The following RANBP17 variants were observed in gnomAD, a reference collection of about 807,000 sequenced individuals.
RANBP17 encodes the protein RAN binding protein 17.
A neutral mutation model predicts 141.2 loss-of-function variants in RANBP17; 158 were observed. That is an observed-to-expected ratio of 1.12 (90% confidence interval 0.98 to 1.28). The LOEUF is 1.28. Ranked by LOEUF, RANBP17 falls within the 50% of genes most tolerant of loss-of-function variation. RANBP17 has a pLI of 0.00. For missense variants in RANBP17, 1,438 were observed against 1,290.7 expected (o/e 1.11, Z -1.75); for synonymous variants, 430 against 450.0 (o/e 0.96, Z 0.56).
At chr5:171,237,095 C>T (rs1001066068) in intron 22 of RANBP17, among the ~76,000 whole-genome samples, 4 of 152,010 alleles carry the variant, frequency 2.6e-5, no homozygotes, top group South Asian at 2.1e-4. Flanking sequence ...ACCTGAGAGT[C>T]GGTCGCAGAT....
At chr5:170,892,105 T>A in intron 3 of RANBP17, among the ~76,000 whole-genome samples, 1 of 151,014 alleles carries the variant, frequency 6.6e-6, no homozygotes, top group East Asian at 2.0e-4. Context: ...TACTGCAACT[T>A]TTTTGTTTAA....
Position 171,277,637 on chromosome 5 carries a change from GTATATA to G in RANBP17, c.2943+11816_2943+11821del, listed in dbSNP as rs70982330. 1.8e-3 allele frequency among the ~76,000 whole-genome samples: 103 copies of G among 56,918 alleles called. 5 individuals are homozygous for G. Among genetic ancestry groups the G allele is most frequent in the Admixed American group, 5.6e-3 (21 of 3,728 alleles). 37.3% of individuals were successfully genotyped at this position (56,918 alleles called of 152,430 possible). ...GTGCCTTACGTATACATATATGTAT[GTATATA>G]TATATATATATATATATATATATAT... is the stretch of plus-strand genomic sequence containing the variant. On this transcript the variant is annotated intron_variant, in intron 25 of 27. Transcript: ENST00000523189.
chr5:170,971,214 A>AT (rs1333268976), intron 14 of RANBP17, among the ~76,000 whole-genome samples: 2 of 152,244 alleles, frequency 1.3e-5, no homozygotes, highest in African/African-American at 2.4e-5. Flanking sequence ...CCAAGGTGGA[A>AT]TTACTAAAGT....
intron 14 of RANBP17, among the ~76,000 whole-genome samples, chr5:171,038,994 T>G (rs542455649): frequency 1.3e-5 from 2 of 152,310 alleles, no homozygotes; most frequent in African/African-American, 4.8e-5. Context: ...GCACCTAGAT[T>G]AATTCTATGT....
chr5:171,184,272 A>G (rs1660869970), intron 18 of RANBP17, among the ~76,000 whole-genome samples: 1 of 152,254 alleles, frequency 6.6e-6, no homozygotes. Context: ...AAAATGTGGT[A>G]TATATACACA....
intron 21 of RANBP17, among the ~76,000 whole-genome samples, chr5:171,219,224 T>C (rs1763409198): frequency 6.6e-6 from 1 of 152,216 alleles, no homozygotes; most frequent in Admixed American, 6.5e-5. Context: ...TGGCCCCCAC[T>C]CTCTTCTGGC....
In RANBP17 at chr5:171,161,750, G is replaced by A. The variant is rs536124649; in HGVS notation, c.1711-8380G>A. On this transcript the variant is annotated intron_variant, in intron 14 of 27. Coordinates refer to ENST00000523189, the MANE Select transcript of RANBP17 (RefSeq NM_022897.5). The stretch of plus-strand genomic sequence containing the variant: ...GATTTCTTGATGCTAACATTGCTGA[G>A]TAACCAATTATAATCAGTTATTAAT... Among the ~76,000 whole-genome samples the A allele has an allele frequency of 1.1e-3, 167 of 152,170 alleles. 1 individual carries two copies. The highest frequency in any genetic ancestry group is 3.8e-3 in the African/African-American group (157 of 41,516).
chr5:170,972,474 AC>A (rs1561945692), intron 14 of RANBP17, among the ~76,000 whole-genome samples: 5 of 152,142 alleles, frequency 3.3e-5, no homozygotes, highest in African/African-American at 1.2e-4. Context: ...GTGAGCCACC[AC>A]ATCTGACCAG....
intron 1 of RANBP17, among the ~76,000 whole-genome samples, chr5:170,870,644 A>G (rs1030198916): frequency 2.6e-5 from 4 of 152,084 alleles, no homozygotes; most frequent in African/African-American, 9.7e-5. Context: ...GGTTGTTTTC[A>G]TGTCTTTGCT....
Position 170,953,624 on chromosome 5 carries a change from T to C in RANBP17, c.1496T>C (p.Val499Ala). The C allele has an allele frequency of 1.9e-6, 3 of 1,611,466 alleles. No individual in the cohort carries two copies. Among genetic ancestry groups the C allele is most frequent in the Middle Eastern group, 1.7e-4 (1 of 6,056 alleles). The change falls in exon 13 of 28, where the codon GTT becomes GCT. Residue 499 changes from valine to alanine, a missense_variant. Physicochemically the swap from Val to Ala is moderately conservative, Grantham distance 64. Transcript: ENST00000523189. ...EGRLAWLVYL[V>A]GTVVGGRLTY... ...CGTCTTGCATGGCTGGTATACTTAG[T>C]TGGGACAGTTGTAGGAGGAAGATTA...
intron 22 of RANBP17, among the ~76,000 whole-genome samples, chr5:171,227,953 A>C (rs1322940298): frequency 6.6e-6 from 1 of 152,190 alleles, no homozygotes; most frequent in East Asian, 1.9e-4. Context: ...GATCCCTTTC[A>C]AAAGGTTACT....
chr5:171,264,421 A>G (rs1216420413), intron 24 of RANBP17, among the ~76,000 whole-genome samples: 1 of 152,142 alleles, frequency 6.6e-6, no homozygotes, highest in Non-Finnish European at 1.5e-5. Flanking sequence ...AATTTTCAAA[A>G]AGAGTACAGA....
At chr5:171,195,105 C>T (rs2127947034) in intron 18 of RANBP17, among the ~76,000 whole-genome samples, 1 of 152,288 alleles carries the variant, frequency 6.6e-6, no homozygotes, top group Non-Finnish European at 1.5e-5. Context: ...ATGTTATGTT[C>T]ACATTTACTT....
At chr5:171,221,737 A>AT (rs756914764) in intron 21 of RANBP17, 21 bp from the exon 22 acceptor site, 2 of 1,509,672 alleles carry the variant, frequency 1.3e-6, no homozygotes, top group Non-Finnish European at 1.8e-6. Flanking sequence ...CATATAGGCA[A>AT]TTTTTTTCTA....
In RANBP17 at chr5:170,892,443, C is replaced by A. The variant is rs1409407357; in HGVS notation, c.313C>A (p.Gln105Lys). ...GCCCAAGCTGGCTCCCTTTGTCATC[C>A]AAGCTCTTATTCAAGTCATTGCTAA... ...SQPKLAPFVI[Q>K]ALIQVIAKIT... is the part of the protein sequence containing the mutation. Residue 105 changes from glutamine (Q) to lysine (K), a missense_variant, in exon 4 of 28, where the codon CAA becomes AAA. Physicochemically the swap from Gln to Lys is moderately conservative, Grantham distance 53 (BLOSUM62 1). Transcript: ENST00000523189. 6.2e-7 allele frequency: 1 copy of A among 1,613,950 alleles called. No individual in the cohort carries two copies. Among genetic ancestry groups the A allele is most frequent in the African/African-American group, 1.3e-5 (1 of 75,004 alleles).
In RANBP17 at chr5:171,241,050, G is replaced by A; in HGVS notation, c.2545G>A (p.Gly849Ser). Residue 849 changes from glycine to serine, a missense_variant, in exon 23 of 28, where the codon GGC (glycine) becomes AGC (serine). Physicochemically the swap from Gly to Ser is moderately conservative, Grantham distance 56. Transcript: ENST00000523189. ...CTTGTGTGGAAATTATGTCAGCTTTGGCGTCTTCAAGTTGTATGGGGACAA... is the reference window on the plus strand; with the variant it reads ...CTTGTGTGGAAATTATGTCAGCTTTAGCGTCTTCAAGTTGTATGGGGACAA... The part of the protein sequence containing the change: ...SALCGNYVSF[G>S]VFKLYGDNHF... 1.2e-6 allele frequency: 2 copies of A among 1,613,812 alleles called. No individual in the cohort carries two copies. The highest frequency in any genetic ancestry group is 1.7e-6 in the Non-Finnish European group (2 of 1,179,876).
intron 20 of RANBP17, chr5:171,205,889 G>A (rs957158751): frequency 4.1e-6 from 2 of 489,386 alleles, no homozygotes; most frequent in African/African-American, 3.9e-5. Context: ...GAGTTGAAGG[G>A]ATAATCTGGC....
chr5:171,066,739 C>T (rs1036194401), intron 14 of RANBP17, among the ~76,000 whole-genome samples: 7 of 152,102 alleles, frequency 4.6e-5, no homozygotes, highest in African/African-American at 2.4e-5. Context: ...TTTTGAGGAG[C>T]CTCCATATTG....
intron 12 of RANBP17, among the ~76,000 whole-genome samples, chr5:170,933,472 C>G (rs1773578825): frequency 6.6e-6 from 1 of 152,152 alleles, no homozygotes; most frequent in South Asian, 2.1e-4. Context: ...AATGTGTTTG[C>G]TCTTCCTTCT....
Sources: gnomAD v4.1 joint callset for allele counts (sites outside exome capture counted in the v4.1 genomes callset) on GRCh38, gnomAD v4.1.1 for gene constraint, MANE v1.5 for transcripts, NCBI Gene and HGNC (gene_info 2026-07-23, HGNC 2026-07-21) for gene names.